The following CLCN4 variants were observed in gnomAD, a reference collection of about 807,000 sequenced individuals.
CLCN4 encodes Cl-/H+ antiporter 4.
In CLCN4, 1 loss-of-function variant was observed where a neutral mutation model predicts 41.7. The ratio of observed to expected loss-of-function variants is 0.02; its 90% CI spans 0.01 to 0.11. The LOEUF is 0.11. Ranked by LOEUF, CLCN4 falls within the 10% of genes least tolerant of loss-of-function variation. The pLI, the probability that CLCN4 is intolerant of heterozygous loss-of-function variation, is 1.00. For missense variants in CLCN4, 287 were observed against 661.0 expected (o/e 0.43, Z 6.20); for synonymous variants, 277 against 285.8 (o/e 0.97, Z 0.31).
intron 2 of CLCN4, among the ~76,000 whole-genome samples, chrX:10,160,539 A>G (rs112726967): frequency 0.013 from 1,443 of 111,644 alleles, 25 homozygotes; most frequent in African/African-American, 0.044. Context: ...ACCCTGGGTT[A>G]GACCTAACAG....
intron 5 of CLCN4, 56 bp downstream of exon 5, chrX:10,195,154 G>C: frequency 9.2e-7 from 1 of 1,084,306 alleles, no homozygotes; most frequent in Non-Finnish European, 1.3e-6. Context: ...TGCGTGCTTG[G>C]GAATGCTGCT....
intron 2 of CLCN4, among the ~76,000 whole-genome samples, chrX:10,180,533 C>T (rs745647977): frequency 4.5e-5 from 5 of 110,330 alleles, no homozygotes; most frequent in South Asian, 3.8e-4. Flanking sequence ...TTTGGGATGC[C>T]GAGGTGGGCG....
At chrX:10,161,793 C>T (rs1168307536) in intron 2 of CLCN4, among the ~76,000 whole-genome samples, 11 of 111,079 alleles carry the variant, frequency 9.9e-5, no homozygotes, top group African/African-American at 3.6e-4. Flanking sequence ...GGGAGAGGCA[C>T]TTCCACCATG....
intron 2 of CLCN4, among the ~76,000 whole-genome samples, chrX:10,164,655 G>A (rs747710130): frequency 2.7e-5 from 3 of 111,674 alleles, no homozygotes; most frequent in Non-Finnish European, 5.7e-5. Flanking sequence ...TGTCCTAGGT[G>A]CCAGAGTGGG....
At chrX:10,186,557 C>T (rs1380587288) in intron 3 of CLCN4, among the ~76,000 whole-genome samples, 1 of 111,381 alleles carries the variant, frequency 9.0e-6, no homozygotes, top group African/African-American at 3.3e-5. Context: ...CTGCTTCAGA[C>T]GAGGGTGAGG....
At chrX:10,230,168 A>G (rs1293736861) in intron 12 of CLCN4, among the ~76,000 whole-genome samples, 1 of 112,142 alleles carries the variant, frequency 8.9e-6, no homozygotes, top group Admixed American at 9.4e-5. Flanking sequence ...ATCCCTTGTC[A>G]GATGGGTAGT....
At chrX:10,188,154 A>G (rs1160116635) in intron 4 of CLCN4, among the ~76,000 whole-genome samples, 1 of 112,638 alleles carries the variant, frequency 8.9e-6, no homozygotes, top group Admixed American at 9.4e-5. Context: ...CCTGGGCTCA[A>G]GCCATCCTCC....
chrX:10,188,678 T>A (rs1405882125), intron 4 of CLCN4, among the ~76,000 whole-genome samples: 1 of 112,186 alleles, frequency 8.9e-6, no homozygotes, highest in Non-Finnish European at 1.9e-5. Context: ...TATAACAACA[T>A]AATAGTTATG....
chrX:10,187,705 C>T lies in CLCN4; in HGVS notation c.244+91C>T, dbSNP rs369613279. Reference sequence around the variant, plus strand: ...CCTCTGGGAGATTTGGAATATAGCGCGTGTCGCTTGTCGCTTTTACCCCTG... The same window carrying T: ...CCTCTGGGAGATTTGGAATATAGCGTGTGTCGCTTGTCGCTTTTACCCCTG... On this transcript the variant is annotated intron_variant, in intron 4 of 12. Coordinates refer to ENST00000380833, the MANE Select transcript of CLCN4 (RefSeq NM_001830.4). 49 of 703,917 alleles carry T rather than the reference C, an allele frequency of 7.0e-5. No homozygotes were observed. In the East Asian group the frequency reaches 8.4e-4, roughly 12 times the overall value. 58.0% of individuals were successfully genotyped at this position (703,917 alleles called of 1,213,427 possible). A position where few individuals can be genotyped will look rare whatever the true frequency, so the allele number is the denominator to read the frequency against.
chrX:10,196,871 T>C (rs751505747), intron 5 of CLCN4, among the ~76,000 whole-genome samples: 1 of 112,554 alleles, frequency 8.9e-6, no homozygotes, highest in African/African-American at 3.2e-5. Context: ...ATTCGAAGAA[T>C]TACCTTTAGT....
chrX:10,199,822 A>C (rs1202909940), intron 6 of CLCN4, among the ~76,000 whole-genome samples: 1 of 109,999 alleles, frequency 9.1e-6, no homozygotes, highest in East Asian at 2.9e-4. Flanking sequence ...GCAGTGGCAC[A>C]ATCTCGGCTC....
At chrX:10,169,110 G>T (rs1243815782) in intron 2 of CLCN4, among the ~76,000 whole-genome samples, 1 of 111,247 alleles carries the variant, frequency 9.0e-6, no homozygotes, top group Admixed American at 9.6e-5. Flanking sequence ...GGTTTGTTGA[G>T]CTTCTTCTAT....
At chrX:10,172,263 C>T (rs780847715) in intron 2 of CLCN4, among the ~76,000 whole-genome samples, 5 of 112,090 alleles carry the variant, frequency 4.5e-5, no homozygotes, top group Non-Finnish European at 7.5e-5. Context: ...CCTCGGGAGT[C>T]AGTTCTTGAG....
intron 3 of CLCN4, among the ~76,000 whole-genome samples, chrX:10,186,599 G>A (rs1184824283): frequency 7.2e-5 from 8 of 111,189 alleles, no homozygotes; most frequent in African/African-American, 2.0e-4. Context: ...ATGTCACATC[G>A]CCTCACGAGG....
At chrX:10,191,692 A>ATTTTTTTTTTTTT (rs760315418) in intron 4 of CLCN4, among the ~76,000 whole-genome samples, 11 of 49,772 alleles carry the variant, frequency 2.2e-4, no homozygotes, top group African/African-American at 9.2e-4. Context: ...TATCTGGTTA[A>ATTTTTTTTTTTTT]TTTTTTTTTT....
At chrX:10,216,539 A>C (rs1364632613) in intron 11 of CLCN4, among the ~76,000 whole-genome samples, 1 of 110,966 alleles carries the variant, frequency 9.0e-6, no homozygotes, top group South Asian at 3.8e-4. Flanking sequence ...AGTTGCAGAG[A>C]TGATTAAAGG....
At chrX:10,215,289 C>T (rs1422192281) in intron 11 of CLCN4, among the ~76,000 whole-genome samples, 1 of 112,089 alleles carries the variant, frequency 8.9e-6, no homozygotes, top group Non-Finnish European at 1.9e-5. Context: ...CCCAGTGTTA[C>T]ATAGCTTTAA....
intron 9 of CLCN4, among the ~76,000 whole-genome samples, chrX:10,211,622 T>C (rs1924555849): frequency 8.9e-6 from 1 of 112,382 alleles, no homozygotes; most frequent in African/African-American, 3.2e-5. Flanking sequence ...GTTAAAGTTC[T>C]GCTTCCATCC....
At chrX:10,214,322 G>A (rs1346605700) in intron 11 of CLCN4, among the ~76,000 whole-genome samples, 6 of 112,599 alleles carry the variant, frequency 5.3e-5, no homozygotes, top group Non-Finnish European at 9.4e-5. Context: ...TGGTCCCCAC[G>A]TCACACTGTA....
Sources: gnomAD v4.1 joint callset for allele counts (sites outside exome capture counted in the v4.1 genomes callset) on GRCh38, gnomAD v4.1.1 for gene constraint, MANE v1.5 for transcripts, NCBI Gene and HGNC (gene_info 2026-07-23, HGNC 2026-07-21) for gene names.